ABCD4: variants seen among roughly 807,000 people sequenced by gnomAD.
ABCD4 encodes the protein ATP binding cassette subfamily D member 4.
In ABCD4, 53 loss-of-function variants were observed where a neutral mutation model predicts 86.3. The observed-to-expected ratio is 0.61, with a 90% CI of 0.49 to 0.77. ABCD4 has a LOEUF of 0.77. Ranked by LOEUF, ABCD4 falls within the 30% of genes least tolerant of loss-of-function variation. ABCD4 has a pLI of 0.00. For missense variants in ABCD4, 757 were observed against 764.5 expected (o/e 0.99, Z 0.12); for synonymous variants, 328 against 313.6 (o/e 1.05, Z -0.49).
In ABCD4 at chr14:74,296,449, C is replaced by T. The variant is rs1377471536; in HGVS notation, c.426G>A (p.Pro142=). Residue 142 remains proline, a splice_region_variant and synonymous_variant, in exon 5 of 19, where the codon CCG becomes CCA. Coordinates refer to ENST00000356924, the MANE Select transcript of ABCD4 (RefSeq NM_005050.4). ...LNVLRDDIDN[P]DQRISQDVER... is the part of the protein sequence containing the mutation. ...CCACGTCCTGGCTGATGCGCTGGTCCCTGGAGCCAATGACACAGAGTAGCT... is the reference window on the plus strand; with the variant it reads ...CCACGTCCTGGCTGATGCGCTGGTCTCTGGAGCCAATGACACAGAGTAGCT... 2 of 1,613,760 alleles carry T rather than the reference C, an allele frequency of 1.2e-6. No individual in the cohort carries two copies. Among genetic ancestry groups the T allele is most frequent in the African/African-American group, 2.7e-5 (2 of 74,856 alleles).
At position 74,292,291 on chromosome 14, in the gene ABCD4, C is replaced by A; in HGVS notation, c.1114G>T (p.Asp372Tyr). The change falls in exon 11 of 19, where the codon GAC (aspartate) becomes TAC (tyrosine). Residue 372 changes from aspartate to tyrosine, a missense_variant. By Grantham distance (160) the Asp-to-Tyr change is radical. Transcript: ENST00000356924. ...EILGESEWGL[D>Y]TPPGWPAAEP... The stretch of plus-strand genomic sequence containing the variant: ...CTCTGCCAGCCCGCTACTCACGTGT[C>A]CAAGCCCCACTCGCTCTCGCCCAGG... 1 of 1,614,044 alleles carries A rather than the reference C, an allele frequency of 6.2e-7. No homozygotes were observed. The highest frequency in any genetic ancestry group is 8.5e-7 in the Non-Finnish European group (1 of 1,180,032).
intron 4 of ABCD4, 144 bp from the exon 5 acceptor site, chr14:74,296,593 A>T: frequency 4.2e-6 from 3 of 707,292 alleles, no homozygotes; most frequent in Non-Finnish European, 4.7e-6. Context: ...GAACCAGACA[A>T]GGCTGGTTTC....
chr14:74,300,240 G>A lies in ABCD4; in HGVS notation c.67C>T (p.Arg23Trp), dbSNP rs369446810. ...RPRLDLQFLQ[R>W]FLQILKVLFP... is the part of the protein sequence containing the mutation. The stretch of plus-strand genomic sequence containing the variant: ...AAAACCTTCAGTATCTGCAGGAACC[G>A]CTGGAGAAATTGCAGATCTAACCTG... The change falls in exon 2 of 19, where the codon CGG becomes TGG. Residue 23 changes from arginine (R) to tryptophan (W), a missense_variant. Coordinates refer to ENST00000356924, the MANE Select transcript of ABCD4 (RefSeq NM_005050.4). The A allele has an allele frequency of 5.6e-6, 9 of 1,613,340 alleles. No individual in the cohort carries two copies. Among genetic ancestry groups the A allele is most frequent in the South Asian group, 4.4e-5 (4 of 91,020 alleles).
At chr14:74,298,224 A>AG (rs1424793716) in intron 3 of ABCD4, among the ~76,000 whole-genome samples, 155 bp from the exon 4 acceptor site, 3 of 152,250 alleles carry the variant, frequency 2.0e-5, no homozygotes, top group Admixed American at 2.0e-4. Flanking sequence ...TAAATCATCG[A>AG]GTCATGGGAC....
In ABCD4 at chr14:74,292,307, C is replaced by G; in HGVS notation, c.1098G>C (p.Glu366Asp). The G allele has an allele frequency of 6.2e-7, 1 of 1,614,126 alleles. No homozygotes were observed. Among genetic ancestry groups the G allele is most frequent in the Middle Eastern group, 1.6e-4 (1 of 6,062 alleles). The change falls in exon 11 of 19, where the codon GAG becomes GAC. Residue 366 changes from glutamate to aspartate, a missense_variant. Physicochemically the swap from Glu to Asp is conservative, Grantham distance 45. Transcript: ENST00000356924. ...CTCACGTGTCCAAGCCCCACTCGCT[C>G]TCGCCCAGGATCTCGCAGTCCTGTG... ...LKSQDCEILGESEWGLDTPPG... is the reference protein window; with the variant it reads ...LKSQDCEILGDSEWGLDTPPG...
chr14:74,295,808 T>C (rs747234328), intron 6 of ABCD4, 46 bp downstream of exon 6: 1 of 1,607,654 alleles, frequency 6.2e-7, no homozygotes, highest in South Asian at 1.1e-5. Context: ...TCCCCTTCCT[T>C]AACTATTATG....
chr14:74,289,194 C>A, intron 14 of ABCD4: 1 of 1,258,550 alleles, frequency 7.9e-7, no homozygotes, highest in Non-Finnish European at 1.0e-6. Context: ...GAATGCTGGG[C>A]GAAGGCTTTG....
intron 12 of ABCD4, 53 bp downstream of exon 12, chr14:74,290,238 C>A (rs1236604135): frequency 3.1e-6 from 5 of 1,612,102 alleles, no homozygotes; most frequent in East Asian, 2.2e-5. Flanking sequence ...CCCGCCTTCA[C>A]CCCACCCCTA....
At chr14:74,301,029 T>C (rs571361765) in intron 1 of ABCD4, among the ~76,000 whole-genome samples, 1 of 152,220 alleles carries the variant, frequency 6.6e-6, no homozygotes, top group African/African-American at 2.4e-5. Flanking sequence ...ATTTTTGTAT[T>C]TTTAGTAGGA....
intron 12 of ABCD4, 61 bp from the exon 13 acceptor site, chr14:74,290,179 C>T (rs2081084264): frequency 1.2e-6 from 2 of 1,611,222 alleles, no homozygotes; most frequent in South Asian, 1.1e-5. Context: ...TGCCTGTCTC[C>T]TCTCTTCCTT....
intron 7 of ABCD4, 134 bp downstream of exon 7, chr14:74,295,014 G>A (rs1295722314): frequency 5.4e-5 from 58 of 1,078,306 alleles, no homozygotes; most frequent in East Asian, 1.7e-4. Flanking sequence ...GGGAGGTAGA[G>A]GGAGAGGGTC....
chr14:74,288,658 A>AC (rs1478632440), intron 15 of ABCD4, 58 bp downstream of exon 15: 1 of 1,582,716 alleles, frequency 6.3e-7, no homozygotes, highest in Admixed American at 1.7e-5. Flanking sequence ...GCACCTGCCT[A>AC]CCTGTAGCTG....
In ABCD4 at chr14:74,289,015, G is replaced by A. The variant is rs537251303; in HGVS notation, c.1457-250C>T. The A allele has an allele frequency of 5.3e-6, 5 of 947,488 alleles. No individual in the cohort carries two copies. In the South Asian group the frequency reaches 9.9e-5, roughly 19 times the overall value. The allele number at this position is 947,488 out of a possible 1,614,324, so 58.7% of individuals were successfully genotyped here. On this transcript the variant is annotated intron_variant, in intron 14 of 18. Coordinates refer to ENST00000356924, the MANE Select transcript of ABCD4 (RefSeq NM_005050.4). ...TAGCCCCAGCTACGGAAGAGGCTGA[G>A]GCAGGGGAATTGCTTGAACCCGGGA...
At chr14:74,297,290 G>A (rs929839827) in intron 4 of ABCD4, 2 of 152,236 alleles carry the variant, frequency 1.3e-5, no homozygotes, top group Non-Finnish European at 2.9e-5. Flanking sequence ...CACCCTTTGA[G>A]ATAGGAACTA....
rs1410601095 is a variant in ABCD4, at chr14:74,295,986, T to G, written c.543-7A>C. 8 of 1,597,612 alleles carry G rather than the reference T, an allele frequency of 5.0e-6. No individual in the cohort carries two copies. In the African/African-American group the frequency reaches 8.3e-5, roughly 17 times the overall value. On this transcript the variant is annotated splice_polypyrimidine_tract_variant and splice_region_variant and intron_variant, in intron 5 of 18. Coordinates refer to ENST00000356924, the MANE Select transcript of ABCD4 (RefSeq NM_005050.4). ...AGGCCCGAGCCAGCCTGTGCTGAAA[T>G]AGAGAGAGAGGGAGAGAAGGGAGAG... is the stretch of plus-strand genomic sequence containing the variant.
At position 74,290,518 on chromosome 14, in the gene ABCD4, G is replaced by A. The variant is rs1401121884; in HGVS notation, c.1119-19C>T. ...TGGGGGTCTGTGTCAGAGAAGAGAG[G>A]GGGCGTGAGGAAGATGGGCAGGGTC... is the stretch of plus-strand genomic sequence containing the variant. On this transcript the variant is annotated intron_variant, in intron 11 of 18. Transcript: ENST00000356924. 1 of 1,605,174 alleles carries A rather than the reference G, an allele frequency of 6.2e-7. No individual in the cohort carries two copies. The highest frequency in any genetic ancestry group is 8.5e-7 in the Non-Finnish European group (1 of 1,177,352).
At chr14:74,288,822 G>T in intron 14 of ABCD4, 57 bp from the exon 15 acceptor site, 1 of 1,594,190 alleles carries the variant, frequency 6.3e-7, no homozygotes, top group Non-Finnish European at 8.5e-7. Context: ...GGTCAAAATA[G>T]ACAGGGCAAG....
chr14:74,288,468 C>T, intron 15 of ABCD4: 1 of 650,558 alleles, frequency 1.5e-6, no homozygotes, highest in Non-Finnish European at 2.6e-6. Flanking sequence ...CTTGCTGGAG[C>T]ATGATGACAG....
chr14:74,290,009 C>T lies in ABCD4; in HGVS notation c.1419+18G>A. The T allele has an allele frequency of 6.2e-7, 1 of 1,613,946 alleles. No homozygotes were observed. Among genetic ancestry groups the T allele is most frequent in the Non-Finnish European group, 8.5e-7 (1 of 1,179,962 alleles). On this transcript the variant is annotated intron_variant, in intron 13 of 18. Coordinates refer to ENST00000356924, the MANE Select transcript of ABCD4 (RefSeq NM_005050.4). ...CGGGGTTGAGGAGGGAGGAGTGAGC[C>T]CCCTGAACTAGACTGACCTGCTCCC...
Sources: gnomAD v4.1 joint callset for allele counts (sites outside exome capture counted in the v4.1 genomes callset) on GRCh38, gnomAD v4.1.1 for gene constraint, MANE v1.5 for transcripts, NCBI Gene and HGNC (gene_info 2026-07-23, HGNC 2026-07-21) for gene names.